SP4: variants seen among roughly 807,000 people sequenced by gnomAD.
The protein encoded by SP4 is transcription factor Sp4.
Under a neutral mutation model 72.8 loss-of-function variants are expected in SP4, and 19 were observed. The ratio of observed to expected loss-of-function variants is 0.26; its 90% CI spans 0.18 to 0.38. The LOEUF (loss-of-function observed/expected upper bound fraction) is 0.38, where lower values mean the gene tolerates loss of function less well. Ranked by LOEUF, SP4 falls within the 10% of genes least tolerant of loss-of-function variation. SP4 has a pLI of 1.00. For synonymous variants in SP4, 395 were observed against 333.1 expected (o/e 1.19, Z -2.02); for missense variants, 1,008 against 926.3 (o/e 1.09, Z -1.14).
intron 5 of SP4, among the ~76,000 whole-genome samples, chr7:21,501,067 C>T (rs2282901): frequency 0.31 from 47,791 of 151,878 alleles, 7,932 homozygotes; most frequent in Non-Finnish European, 0.35. Context: ...CCTCATAGGT[C>T]GAGTATTACA....
chr7:21,457,007 G>A (rs373238236), intron 3 of SP4, among the ~76,000 whole-genome samples: 133 of 140,768 alleles, frequency 9.4e-4, no homozygotes, highest in Middle Eastern at 3.5e-3. Flanking sequence ...TCCTACAGGG[G>A]TTGAATGCCT....
At chr7:21,440,401 G>A (rs191750950) in intron 3 of SP4, among the ~76,000 whole-genome samples, 14 of 152,328 alleles carry the variant, frequency 9.2e-5, no homozygotes, top group African/African-American at 3.4e-4. Context: ...AAGTAGTAAA[G>A]TGGGGGAATG....
At chr7:21,498,928 C>G (rs537411664) in intron 5 of SP4, among the ~76,000 whole-genome samples, 3 of 151,614 alleles carry the variant, frequency 2.0e-5, no homozygotes, top group African/African-American at 7.3e-5. Flanking sequence ...AAAAAAAATA[C>G]AAAAATTAGC....
At chr7:21,504,496 T>C (rs1478119822) in intron 5 of SP4, among the ~76,000 whole-genome samples, 1 of 152,118 alleles carries the variant, frequency 6.6e-6, no homozygotes, top group Non-Finnish European at 1.5e-5. Flanking sequence ...CATTGCCATC[T>C]CTCGTTCGTC....
At chr7:21,481,727 T>C (rs932061509) in intron 4 of SP4, among the ~76,000 whole-genome samples, 197 bp from the exon 5 acceptor site, 1 of 152,204 alleles carries the variant, frequency 6.6e-6, no homozygotes, top group African/African-American at 2.4e-5. Context: ...TAACACATTT[T>C]CATAGCAATT....
intron 5 of SP4, among the ~76,000 whole-genome samples, chr7:21,492,328 GTAAAT>G (rs1202290929): frequency 1.3e-4 from 20 of 152,120 alleles, no homozygotes; most frequent in Admixed American, 6.5e-5. Flanking sequence ...TAATAATTTT[GTAAAT>G]TAAATGAGAA....
At chr7:21,444,210 G>C (rs1783349831) in intron 3 of SP4, among the ~76,000 whole-genome samples, 1 of 152,132 alleles carries the variant, frequency 6.6e-6, no homozygotes, top group Non-Finnish European at 1.5e-5. Flanking sequence ...TTAGATGATT[G>C]AATAACATGG....
intron 3 of SP4, among the ~76,000 whole-genome samples, chr7:21,463,501 C>T (rs17144460): frequency 0.083 from 12,684 of 152,148 alleles, 978 homozygotes; most frequent in East Asian, 0.28. Context: ...AGAAGTTCAG[C>T]GAGACACAAG....
intron 5 of SP4, among the ~76,000 whole-genome samples, chr7:21,506,692 T>C (rs1272007751): frequency 6.6e-6 from 1 of 152,210 alleles, no homozygotes; most frequent in East Asian, 1.9e-4. Flanking sequence ...CATCAATCTT[T>C]TGTAATTTTT....
rs766232251 is a variant in SP4, at chr7:21,429,261, C to T, written c.124-28C>T. On this transcript the variant is annotated intron_variant, in intron 2 of 5. Transcript: ENST00000222584. ...TCCGCCCACTTTTTTTCCCCCCCCC[C>T]TCTCCTTTACCGTCCCATTTTGGGT... 38 of 1,301,912 alleles carry T rather than the reference C, an allele frequency of 2.9e-5. 1 individual carries two copies. Among genetic ancestry groups the T allele is most frequent in the Non-Finnish European group, 3.6e-5 (34 of 938,764 alleles). 80.6% of individuals were successfully genotyped at this position (1,301,912 alleles called of 1,614,324 possible). A position where few individuals can be genotyped will look rare whatever the true frequency, so the allele number is the denominator to read the frequency against.
intron 5 of SP4, among the ~76,000 whole-genome samples, chr7:21,491,321 A>T (rs1422821574): frequency 6.6e-6 from 1 of 152,208 alleles, no homozygotes; most frequent in Non-Finnish European, 1.5e-5. Flanking sequence ...TAGAGGAAAG[A>T]GTCAGTGAGA....
intron 5 of SP4, 142 bp from the exon 6 acceptor site, chr7:21,510,880 C>T (rs574178853): frequency 9.5e-6 from 7 of 736,034 alleles, no homozygotes; most frequent in East Asian, 8.3e-5. Flanking sequence ...TATTTGATAA[C>T]GTTTTTAAAT....
intron 3 of SP4, among the ~76,000 whole-genome samples, chr7:21,448,964 G>A (rs901702723): frequency 6.6e-6 from 1 of 152,056 alleles, no homozygotes; most frequent in African/African-American, 2.4e-5. Context: ...TGCTGACTTT[G>A]GAAGGACTAC....
Position 21,436,538 on chromosome 7 carries a change from G to C in SP4, c.1678+5695G>C, listed in dbSNP as rs1161389392. On this transcript the variant is annotated intron_variant, in intron 3 of 5. Transcript: ENST00000222584. Reference sequence around the variant, plus strand: ...TGTTTGAAGTGAAAGCAGAAATATGGGTCGAAGATTCTGCACTGCTACATT... The same window carrying C: ...TGTTTGAAGTGAAAGCAGAAATATGCGTCGAAGATTCTGCACTGCTACATT... Among the ~76,000 whole-genome samples the C allele has an allele frequency of 2.0e-5, 3 of 152,106 alleles. No individual in the cohort carries two copies. The East Asian group carries it at 5.8e-4, about 29-fold the overall frequency.
chr7:21,474,762 A>C (rs916150273), intron 3 of SP4, among the ~76,000 whole-genome samples: 20 of 152,324 alleles, frequency 1.3e-4, no homozygotes, highest in Admixed American at 8.5e-4. Context: ...ATAAATTTAC[A>C]ACTCTCACTT....
chr7:21,467,319 T>A (rs959960787), intron 3 of SP4, among the ~76,000 whole-genome samples: 31 of 151,624 alleles, frequency 2.0e-4, no homozygotes, highest in South Asian at 4.2e-4. Context: ...TAAAAAAAAA[T>A]TTTTTTTTAA....
chr7:21,466,821 G>T (rs765739532), intron 3 of SP4, among the ~76,000 whole-genome samples: 5 of 151,156 alleles, frequency 3.3e-5, no homozygotes, highest in Non-Finnish European at 5.9e-5. Context: ...GTGTACCATG[G>T]AATCTCTCTA....
At position 21,512,076 on chromosome 7, in the gene SP4, G is replaced by A. The variant is rs533613577; in HGVS notation, c.*807G>A. On this transcript the variant is annotated 3_prime_UTR_variant, in exon 6 of 6. Transcript: ENST00000222584. ...TTAACATGCAATGTTCTAAAGTTAG[G>A]ATTGATTATATTCCTAACCCTAGGT... 9 of 152,664 alleles carry A rather than the reference G, an allele frequency of 5.9e-5. No individual in the cohort carries two copies. In the South Asian group the frequency reaches 1.9e-3, roughly 32 times the overall value. The allele number at this position is 152,664 out of a possible 1,614,324, so 9.5% of individuals were successfully genotyped here.
At chr7:21,479,329 G>T (rs986301795) in intron 4 of SP4, among the ~76,000 whole-genome samples, 1 of 151,598 alleles carries the variant, frequency 6.6e-6, no homozygotes, top group Non-Finnish European at 1.5e-5. Flanking sequence ...TTAATTTGGG[G>T]TTAATTTTTA....
Sources: allele counts gnomAD v4.1 joint callset (sites outside exome capture counted in the v4.1 genomes callset), GRCh38; gene constraint gnomAD v4.1.1; transcripts MANE v1.5; gene names NCBI Gene and HGNC (gene_info 2026-07-23, HGNC 2026-07-21).